The following AGBL4 variants were observed in gnomAD, a reference collection of about 807,000 sequenced individuals.
AGBL4 encodes the protein cytosolic carboxypeptidase 6.
A neutral mutation model predicts 66.4 loss-of-function variants in AGBL4; 58 were observed. The ratio of observed to expected loss-of-function variants is 0.87; its 90% CI spans 0.71 to 1.09. AGBL4 has a LOEUF of 1.09. Ranked by LOEUF, AGBL4 falls within the 50% of genes least tolerant of loss-of-function variation. The pLI is 0.00. For missense variants in AGBL4, 579 were observed against 631.0 expected (o/e 0.92, Z 0.88); for synonymous variants, 234 against 222.9 (o/e 1.05, Z -0.44).
intron 6 of AGBL4, among the ~76,000 whole-genome samples, chr1:48,827,203 C>T (rs538046690): frequency 6.6e-5 from 10 of 152,274 alleles, no homozygotes; most frequent in Admixed American, 6.5e-4. Flanking sequence ...TAGTTGGTTG[C>T]TTCCATGTCT....
At chr1:49,334,367 A>G (rs1241069101) in intron 3 of AGBL4, among the ~76,000 whole-genome samples, 1 of 152,164 alleles carries the variant, frequency 6.6e-6, no homozygotes, top group African/African-American at 2.4e-5. Context: ...TGATTTGACA[A>G]TTTACATCCT....
intron 5 of AGBL4, among the ~76,000 whole-genome samples, chr1:48,935,143 T>A (rs726814): frequency 0.1 from 15,915 of 152,230 alleles, 923 homozygotes; most frequent in African/African-American, 0.12. Flanking sequence ...TCAAATCCAC[T>A]TTCCACTTAA....
intron 4 of AGBL4, among the ~76,000 whole-genome samples, chr1:49,158,891 CT>C (rs532068729): frequency 6.7e-6 from 1 of 149,378 alleles, no homozygotes; most frequent in African/African-American, 2.5e-5. Context: ...GCAACTCCTG[CT>C]TTTTTTTGCT....
chr1:49,292,259 G>A (rs942029303), intron 3 of AGBL4, among the ~76,000 whole-genome samples: 2 of 152,194 alleles, frequency 1.3e-5, no homozygotes, highest in African/African-American at 4.8e-5. Flanking sequence ...GCTGAGGGCA[G>A]CTCATCACTG....
chr1:49,581,200 T>C (rs535134614), intron 3 of AGBL4, among the ~76,000 whole-genome samples: 1 of 152,200 alleles, frequency 6.6e-6, no homozygotes, highest in African/African-American at 2.4e-5. Context: ...TTTCTTTTTT[T>C]AAAAAAGATA....
intron 4 of AGBL4, among the ~76,000 whole-genome samples, chr1:49,239,179 C>T (rs529467102): frequency 1.3e-5 from 2 of 151,944 alleles, no homozygotes; most frequent in Non-Finnish European, 2.9e-5. Flanking sequence ...AAACATAGAT[C>T]ATTTTATGGC....
At chr1:48,557,228 T>C (rs1365292572) in intron 11 of AGBL4, among the ~76,000 whole-genome samples, 2 of 152,240 alleles carry the variant, frequency 1.3e-5, no homozygotes, top group East Asian at 3.8e-4. Flanking sequence ...TGTGAAACAA[T>C]AAATATTGCT....
At chr1:49,900,319 C>T (rs1359639130) in intron 1 of AGBL4, among the ~76,000 whole-genome samples, 1 of 151,946 alleles carries the variant, frequency 6.6e-6, no homozygotes, top group African/African-American at 2.4e-5. Context: ...AGTCTCGGCT[C>T]ACCACAAACT....
At chr1:48,939,947 A>G (rs983298215) in intron 5 of AGBL4, among the ~76,000 whole-genome samples, 1 of 152,222 alleles carries the variant, frequency 6.6e-6, no homozygotes, top group Non-Finnish European at 1.5e-5. Context: ...GGTGGCCACA[A>G]TGCTGCTAAA....
intron 11 of AGBL4, among the ~76,000 whole-genome samples, chr1:48,575,196 A>C (rs1644631475): frequency 6.6e-6 from 1 of 152,078 alleles, no homozygotes; most frequent in Non-Finnish European, 1.5e-5. Flanking sequence ...TCACATCAAA[A>C]TACTGTCCAA....
At chr1:49,964,892 A>C (rs980719976) in intron 1 of AGBL4, among the ~76,000 whole-genome samples, 2 of 152,186 alleles carry the variant, frequency 1.3e-5, no homozygotes, top group Non-Finnish European at 2.9e-5. Flanking sequence ...ATTTTTATTT[A>C]TAATTTAAAG....
chr1:49,099,994 T>C (rs1645172002), intron 4 of AGBL4, among the ~76,000 whole-genome samples: 2 of 152,132 alleles, frequency 1.3e-5, no homozygotes, highest in Admixed American at 6.5e-5. Flanking sequence ...CCAGGGTCTG[T>C]CAGTCAAGGT....
intron 1 of AGBL4, among the ~76,000 whole-genome samples, chr1:49,922,196 C>T (rs759278685): frequency 2.6e-5 from 4 of 152,134 alleles, no homozygotes; most frequent in Non-Finnish European, 5.9e-5. Context: ...GGGATAAAGC[C>T]TACTTGATCA....
At chr1:48,761,437 T>C in intron 6 of AGBL4, 1 of 1,551,390 alleles carries the variant, frequency 6.4e-7, no homozygotes. Context: ...TATTTTCTTC[T>C]GCATCACACT....
rs371079795 is a variant in AGBL4, at chr1:49,401,991, A to T, written c.283-156127T>A. Among the ~76,000 whole-genome samples, 239 of 152,192 alleles carry T rather than the reference A, an allele frequency of 1.6e-3. 1 individual carries two copies. The highest frequency in any genetic ancestry group is 4.9e-3 in the African/African-American group (204 of 41,560). ...TAGTTGCACATAGTAGCCACCAGTG[A>T]TCCTTTGAATTTGTGTTATCAGTTG... On this transcript the variant is annotated intron_variant, in intron 3 of 13. Transcript: ENST00000371839.
At chr1:49,913,825 C>A (rs1651109202) in intron 1 of AGBL4, among the ~76,000 whole-genome samples, 2 of 152,160 alleles carry the variant, frequency 1.3e-5, no homozygotes, top group Admixed American at 1.3e-4. Flanking sequence ...CCTGTGCCTA[C>A]TTGAGCCACA....
intron 3 of AGBL4, among the ~76,000 whole-genome samples, chr1:49,511,349 G>A (rs1024827314): frequency 3.1e-4 from 46 of 150,214 alleles, no homozygotes; most frequent in South Asian, 1.0e-3. Flanking sequence ...GTAAACTATC[G>A]CAAGAACAAA....
rs370444372 is a variant in AGBL4 at position 48,586,988 on chromosome 1, T to A, written c.1267+16A>T. On this transcript the variant is annotated intron_variant, in intron 11 of 13. Transcript: ENST00000371839. ...GGATGAGGGCTGGCCCAAGGCTGGGTGGGGACTAAGGATACAGGCTTCTTC... is the reference window on the plus strand; with the variant it reads ...GGATGAGGGCTGGCCCAAGGCTGGGAGGGGACTAAGGATACAGGCTTCTTC... 1,666 of 1,607,914 alleles carry A rather than the reference T, an allele frequency of 1.0e-3. No homozygotes were observed. The highest frequency in any genetic ancestry group is 2.1e-3 in the Admixed American group (127 of 59,186).
chr1:49,720,315 T>C (rs1212416034), intron 2 of AGBL4, among the ~76,000 whole-genome samples: 2 of 152,144 alleles, frequency 1.3e-5, no homozygotes. Context: ...ACAGTAAGTA[T>C]AATGCAAATG....
Sources: allele counts gnomAD v4.1 joint callset (sites outside exome capture counted in the v4.1 genomes callset), GRCh38; gene constraint gnomAD v4.1.1; transcripts MANE v1.5; gene names NCBI Gene and HGNC (gene_info 2026-07-23, HGNC 2026-07-21).